Variants in VIPR2 observed in about 807,000 individuals in gnomAD.
VIPR2 encodes the protein vasoactive intestinal polypeptide receptor 2.
VIPR2 carries 48 observed loss-of-function variants against 58.0 expected under a neutral mutation model. That is an observed-to-expected ratio of 0.83 (90% CI 0.66 to 1.05). The LOEUF is 1.05. VIPR2 is among the 50% of genes least tolerant of loss of function. The pLI, the probability that VIPR2 is intolerant of heterozygous loss-of-function variation, is 0.00. For missense variants in VIPR2, 534 were observed against 558.0 expected, an observed-to-expected ratio of 0.96 and a Z score of 0.43; for synonymous variants, 243 against 235.2, an observed-to-expected ratio of 1.03 and a Z score of -0.30.
intron 4 of VIPR2, among the ~76,000 whole-genome samples, chr7:159,080,614 C>T (rs1275655008): frequency 6.6e-6 from 1 of 152,134 alleles, no homozygotes; most frequent in Non-Finnish European, 1.5e-5. Flanking sequence ...GAAGTTCTGG[C>T]CAGGGCAATC....
At chr7:159,111,013 T>C (rs1795978270) in intron 2 of VIPR2, among the ~76,000 whole-genome samples, 1 of 152,180 alleles carries the variant, frequency 6.6e-6, no homozygotes, top group Non-Finnish European at 1.5e-5. Context: ...TTAAAGAAAA[T>C]GTTGGTTTTC....
intron 4 of VIPR2, chr7:159,059,255 G>A (rs1855495910): frequency 2.1e-6 from 1 of 471,084 alleles, no homozygotes; most frequent in Non-Finnish European, 4.4e-6. Flanking sequence ...AGGAAAACCA[G>A]TGCCTGTTGC....
intron 6 of VIPR2, among the ~76,000 whole-genome samples, chr7:159,037,315 G>A (rs1854035806): frequency 6.6e-6 from 1 of 152,210 alleles, no homozygotes; most frequent in Non-Finnish European, 1.5e-5. Flanking sequence ...CAAAGAACCA[G>A]AAGAGCCGGC....
rs778721135 is a variant in VIPR2 at position 159,031,982 on chromosome 7, A to G, written c.1057T>C (p.Ser353Pro). Reference sequence around the variant, plus strand: ...AGCTCAAACAGTATCTGGTATTTGGAGGAGATGCTGATGGGAAACACGGCA... The same window carrying G: ...AGCTCAAACAGTATCTGGTATTTGGGGGAGATGCTGATGGGAAACACGGCA... ...VFAVFPISIS[S>P]KYQILFELCL... The change falls in exon 11 of 13, where the codon TCC becomes CCC. Residue 353 changes from serine to proline, a missense_variant. Coordinates refer to ENST00000262178, the MANE Select transcript of VIPR2 (RefSeq NM_003382.5). The surrounding 1 kb of genome is among the most constrained non-coding windows in gnomAD (Gnocchi z 4.0). The G allele has an allele frequency of 6.2e-7, 1 of 1,614,134 alleles. No homozygotes were observed. The highest frequency in any genetic ancestry group is 1.1e-5 in the South Asian group (1 of 91,082).
In VIPR2 at chr7:159,050,376, C is replaced by CA. The variant is rs139203746; in HGVS notation, c.456-7201dup. Among the ~76,000 whole-genome samples, 910 of 145,992 alleles carry CA rather than the reference C, an allele frequency of 6.2e-3. 6 individuals carry two copies. Among genetic ancestry groups the CA allele is most frequent in the African/African-American group, 0.022 (875 of 39,740 alleles). On this transcript the variant is annotated intron_variant, in intron 5 of 12. Transcript: ENST00000262178. Reference sequence around the variant, plus strand: ...AAACAAAAAAAAAAACAAAAAAAAACAAAAAAACCCAGACAATAGCGATTC... The same window carrying CA: ...AAACAAAAAAAAAAACAAAAAAAAACAAAAAAAACCCAGACAATAGCGATTC...
intron 1 of VIPR2, among the ~76,000 whole-genome samples, chr7:159,143,526 AG>A (rs933292380): frequency 1.3e-5 from 2 of 152,228 alleles, no homozygotes; most frequent in Non-Finnish European, 2.9e-5. Flanking sequence ...AACAGAATTA[AG>A]GGGAAAACAA....
chr7:159,063,793 T>G (rs1356989061), intron 4 of VIPR2, among the ~76,000 whole-genome samples: 86 of 59,376 alleles, frequency 1.4e-3, no homozygotes, highest in South Asian at 2.6e-3. Context: ...GGTCTGGGGG[T>G]CCTGGTGGGG....
chr7:159,084,625 G>A (rs1857078410), intron 4 of VIPR2, among the ~76,000 whole-genome samples: 1 of 152,212 alleles, frequency 6.6e-6, no homozygotes. Context: ...GGCCCCTGGC[G>A]GCGTGGCCTC....
In VIPR2 at chr7:159,032,073, CAGA is replaced by C. The variant is rs778356612; in HGVS notation, c.972-9_972-7del. On this transcript the variant is annotated splice_polypyrimidine_tract_variant and splice_region_variant and intron_variant, in intron 10 of 12. Transcript: ENST00000262178. The stretch of plus-strand genomic sequence containing the variant: ...GCGTGGACTTGGCCAGCCTCCTGCA[CAGA>C]AGGAGATGAGCCAGCTCAGCTGCTG... 125 of 1,613,784 alleles carry C rather than the reference CAGA, an allele frequency of 7.7e-5. 1 individual carries two copies. Among genetic ancestry groups the C allele is most frequent in the Non-Finnish European group, 9.8e-5 (116 of 1,180,012 alleles).
rs1018699810 is a variant in VIPR2 at position 159,098,824 on chromosome 7, C to T, written c.357+4933G>A. On this transcript the variant is annotated intron_variant, in intron 4 of 12. Coordinates refer to ENST00000262178, the MANE Select transcript of VIPR2 (RefSeq NM_003382.5). This position sits in a 1 kb window ranked among gnomAD's most constrained non-coding sequence, Gnocchi z 5.2. ...ACACAACACCCAGGGCAGACTTTGGCCCTGTGCAAGCAGGAAACACAACTA... is the reference window on the plus strand; with the variant it reads ...ACACAACACCCAGGGCAGACTTTGGTCCTGTGCAAGCAGGAAACACAACTA... 3.9e-5 allele frequency among the ~76,000 whole-genome samples: 6 copies of T among 152,204 alleles called. No homozygotes were observed. The South Asian group carries it at 6.2e-4, about 16-fold the overall frequency.
chr7:159,092,427 T>C (rs973544757), intron 4 of VIPR2, among the ~76,000 whole-genome samples: 2 of 152,164 alleles, frequency 1.3e-5, no homozygotes, highest in African/African-American at 2.4e-5. Context: ...CTCCTCAAGA[T>C]GACAGGGTGA....
At chr7:159,139,317 A>G (rs913725552) in intron 2 of VIPR2, among the ~76,000 whole-genome samples, 15 of 152,250 alleles carry the variant, frequency 9.9e-5, no homozygotes, top group African/African-American at 3.6e-4. Flanking sequence ...CCTCAGCTAC[A>G]ACACAAATGC....
intron 4 of VIPR2, among the ~76,000 whole-genome samples, chr7:159,100,512 A>G (rs913011950): frequency 2.0e-5 from 3 of 152,012 alleles, no homozygotes; most frequent in African/African-American, 7.3e-5. Flanking sequence ...TGCTGAACAC[A>G]ATGACAGTGG....
At position 159,111,620 on chromosome 7, in the gene VIPR2, C is replaced by T. The variant is rs1163495101; in HGVS notation, c.152-1701G>A. Among the ~76,000 whole-genome samples, 4 of 151,218 alleles carry T rather than the reference C, an allele frequency of 2.6e-5. No individual in the cohort carries two copies. The East Asian group carries it at 7.8e-4, about 29-fold the overall frequency. ...GCTTGAACCCAGAAGGTGGAGGTTG[C>T]AGTGAGCCGAGATCGCATCACTGCA... is the stretch of plus-strand genomic sequence containing the variant. On this transcript the variant is annotated intron_variant, in intron 2 of 12. Coordinates refer to ENST00000262178, the MANE Select transcript of VIPR2 (RefSeq NM_003382.5).
intron 5 of VIPR2, among the ~76,000 whole-genome samples, chr7:159,044,681 A>C (rs1854544378): frequency 6.6e-6 from 1 of 151,986 alleles, no homozygotes; most frequent in South Asian, 2.1e-4. Context: ...TTGATAAAAG[A>C]GATAGAAATT....
At chr7:159,083,390 C>T (rs1046780034) in intron 4 of VIPR2, among the ~76,000 whole-genome samples, 2 of 152,356 alleles carry the variant, frequency 1.3e-5, no homozygotes, top group South Asian at 4.1e-4. Context: ...TCCCTAAAGC[C>T]GTGACCTCAG....
At chr7:159,125,054 C>G (rs1796603259) in intron 2 of VIPR2, among the ~76,000 whole-genome samples, 1 of 152,132 alleles carries the variant, frequency 6.6e-6, no homozygotes, top group African/African-American at 2.4e-5. Context: ...ATAGGGTTTT[C>G]TAGATATAGA....
At chr7:159,060,507 T>C (rs915839028) in intron 4 of VIPR2, among the ~76,000 whole-genome samples, 3 of 151,370 alleles carry the variant, frequency 2.0e-5, no homozygotes, top group African/African-American at 7.3e-5. Context: ...CACTTATCCA[T>C]AACTCTTACC....
intron 4 of VIPR2, among the ~76,000 whole-genome samples, chr7:159,067,754 G>A (rs1038440992): frequency 6.6e-6 from 1 of 152,254 alleles, no homozygotes; most frequent in Non-Finnish European, 1.5e-5. Flanking sequence ...ATGTTGGAAA[G>A]AAGGATTTGA....
Sources: allele counts gnomAD v4.1 joint callset (sites outside exome capture counted in the v4.1 genomes callset), GRCh38; gene constraint gnomAD v4.1.1; non-coding constraint Gnocchi (gnomAD v3.1); transcripts MANE v1.5; gene names NCBI Gene and HGNC (gene_info 2026-07-23, HGNC 2026-07-21).